The following AOPEP variants were observed in gnomAD, a reference collection of about 807,000 sequenced individuals.
The protein encoded by AOPEP is aminopeptidase O (putative), also known as aminopeptidase O.
A neutral mutation model predicts 98.1 loss-of-function variants in AOPEP; 77 were observed. The observed-to-expected ratio is 0.78, with a 90% CI of 0.65 to 0.95. The LOEUF (loss-of-function observed/expected upper bound fraction) is 0.95. AOPEP is among the 40% of genes least tolerant of loss of function. AOPEP has a pLI of 0.00. For synonymous variants in AOPEP, 346 were observed against 365.3 expected (o/e 0.95, Z 0.60); for missense variants, 1,024 against 1,024.7 (o/e 1.00, Z 0.01).
chr9:94,886,242 A>C (rs2048226200), intron 5 of AOPEP, among the ~76,000 whole-genome samples: 1 of 152,196 alleles, frequency 6.6e-6, no homozygotes, highest in Non-Finnish European at 1.5e-5. Context: ...GCTACTTTCT[A>C]AAGTACACAA....
chr9:94,828,637 A>T (rs1327146506), intron 5 of AOPEP, among the ~76,000 whole-genome samples: 1 of 152,086 alleles, frequency 6.6e-6, no homozygotes, highest in Admixed American at 6.5e-5. Context: ...TCTTGAGCAG[A>T]GTTTTTCAAA....
intron 11 of AOPEP, among the ~76,000 whole-genome samples, chr9:94,990,113 A>G (rs1262594505): frequency 6.6e-6 from 1 of 152,194 alleles, no homozygotes; most frequent in Non-Finnish European, 1.5e-5. Context: ...GTAGAGGTTG[A>G]TGTCTTGTGT....
chr9:94,820,851 A>T (rs930981455), intron 5 of AOPEP, among the ~76,000 whole-genome samples: 13 of 152,214 alleles, frequency 8.5e-5, no homozygotes, highest in Non-Finnish European at 1.6e-4. Flanking sequence ...AGGGATGGAG[A>T]TAAGAAAAAG....
intron 13 of AOPEP, among the ~76,000 whole-genome samples, chr9:95,035,597 C>T (rs1166925502): frequency 6.7e-6 from 1 of 148,536 alleles, no homozygotes; most frequent in Non-Finnish European, 1.5e-5. Flanking sequence ...CGACTCACCG[C>T]AACCTCCGGC....
chr9:95,015,546 TTAGAAG>T (rs1222618257), intron 13 of AOPEP, among the ~76,000 whole-genome samples: 1 of 152,242 alleles, frequency 6.6e-6, no homozygotes, highest in African/African-American at 2.4e-5. Flanking sequence ...TAGTTTATAG[TTAGAAG>T]TAGAAAACTA....
At chr9:94,807,257 G>C (rs934953453) in intron 5 of AOPEP, among the ~76,000 whole-genome samples, 2 of 152,194 alleles carry the variant, frequency 1.3e-5, no homozygotes, top group Non-Finnish European at 2.9e-5. Context: ...CAGCTGTGTT[G>C]CTTGTCAGAT....
At chr9:95,064,862 A>G (rs2067717351) in intron 14 of AOPEP, among the ~76,000 whole-genome samples, 1 of 152,204 alleles carries the variant, frequency 6.6e-6, no homozygotes, top group South Asian at 2.1e-4. Flanking sequence ...GAACTTACCA[A>G]AGGGGCAAAG....
intron 13 of AOPEP, among the ~76,000 whole-genome samples, chr9:95,051,089 C>T (rs865871034): frequency 1.8e-4 from 23 of 129,946 alleles, no homozygotes; most frequent in Non-Finnish European, 3.0e-4. Context: ...TTGTGGCTTA[C>T]TTTTTTTTTT....
intron 14 of AOPEP, among the ~76,000 whole-genome samples, chr9:95,071,259 CT>C (rs574084716): frequency 3.7e-4 from 56 of 152,030 alleles, no homozygotes; most frequent in African/African-American, 1.3e-3. Flanking sequence ...AAATCCCAAA[CT>C]TTTTGAGTGC....
the AOPEP span, among the ~76,000 whole-genome samples, chr9:95,119,027 T>G: frequency 1.8e-4 from 28 of 152,328 alleles, no homozygotes; most frequent in East Asian, 2.5e-3. Context: ...CCACCAGCAA[T>G]GTATGTGAAT....
the AOPEP span, among the ~76,000 whole-genome samples, chr9:95,098,747 G>C: frequency 1.3e-5 from 2 of 152,232 alleles, no homozygotes; most frequent in Non-Finnish European, 2.9e-5. Context: ...TCAGGGAAGA[G>C]ACAGAACAAT....
chr9:94,812,888 G>A (rs932808070), intron 5 of AOPEP, among the ~76,000 whole-genome samples: 4 of 152,144 alleles, frequency 2.6e-5, no homozygotes, highest in African/African-American at 9.7e-5. Flanking sequence ...AAAGGAAGAA[G>A]CTGAAGCACC....
intron 1 of AOPEP, among the ~76,000 whole-genome samples, chr9:94,731,478 A>G (rs1192442233): frequency 6.6e-6 from 1 of 152,100 alleles, no homozygotes; most frequent in Non-Finnish European, 1.5e-5. Flanking sequence ...CGCCTGCCTC[A>G]GCCTCCCAAA....
At chr9:95,064,219 G>T (rs1036136913) in intron 14 of AOPEP, among the ~76,000 whole-genome samples, 1 of 152,250 alleles carries the variant, frequency 6.6e-6, no homozygotes, top group African/African-American at 2.4e-5. Context: ...AGCGTCACAG[G>T]CCTGTCCCGT....
At chr9:94,943,919 CAAAAAAAAAAAAAAAAAA>C (rs775807087) in intron 7 of AOPEP, among the ~76,000 whole-genome samples, 1 of 17,396 alleles carries the variant, frequency 5.7e-5, no homozygotes, top group Admixed American at 1.1e-3. Context: ...GACTCCATCT[CAAAAAAAAAAAAAAAAAA>C]AAAAAAAAAA....
chr9:94,944,627 C>G (rs114211582), intron 7 of AOPEP, among the ~76,000 whole-genome samples: 1 of 152,140 alleles, frequency 6.6e-6, no homozygotes, highest in Non-Finnish European at 1.5e-5. Flanking sequence ...TGCCATGGCA[C>G]GATCATGGCT....
chr9:95,149,481 A>C, the AOPEP span, among the ~76,000 whole-genome samples: 1 of 151,882 alleles, frequency 6.6e-6, no homozygotes, highest in Admixed American at 6.6e-5. Flanking sequence ...GATCCTCAGT[A>C]ATTTTTTTTT....
chr9:95,089,239 C>G (rs1338508542), downstream of AOPEP, among the ~76,000 whole-genome samples: 1 of 152,240 alleles, frequency 6.6e-6, no homozygotes, highest in Non-Finnish European at 1.5e-5. Flanking sequence ...CAGTAGGAGA[C>G]AGATGTGACC....
the AOPEP span, chr9:95,110,904 T>G: frequency 7.7e-7 from 1 of 1,292,732 alleles, no homozygotes; most frequent in Non-Finnish European, 9.9e-7. Context: ...TTAGCTGCTC[T>G]GTTATTTAGG....
Sources: gnomAD v4.1 joint callset for allele counts (sites outside exome capture counted in the v4.1 genomes callset) on GRCh38, gnomAD v4.1.1 for gene constraint, MANE v1.5 for transcripts, NCBI Gene and HGNC (gene_info 2026-07-23, HGNC 2026-07-21) for gene names.